The following ATP9A variants were observed in gnomAD, a reference collection of about 807,000 sequenced individuals.
ATP9A encodes probable phospholipid-transporting ATPase IIA.
A neutral mutation model predicts 144.1 loss-of-function variants in ATP9A; 52 were observed. The ratio of observed to expected loss-of-function variants is 0.36; its 90% CI spans 0.29 to 0.45. The LOEUF is 0.45. Among genes scored for constraint, ATP9A ranks in the 20% least tolerant of loss-of-function variants. The probability of loss-of-function intolerance (pLI) is 1.00; values close to 1 mark genes in which losing one functional copy is unlikely to be tolerated. For synonymous variants in ATP9A, 582 were observed against 557.4 expected, an observed-to-expected ratio of 1.04 and a Z score of -0.62; for missense variants, 947 against 1,392.7, an observed-to-expected ratio of 0.68 and a Z score of 5.09.
At chr20:51,740,076 A>C (rs1414747180) in intron 1 of ATP9A, among the ~76,000 whole-genome samples, 1 of 152,054 alleles carries the variant, frequency 6.6e-6, no homozygotes, top group Non-Finnish European at 1.5e-5. Context: ...ATTTATTTAG[A>C]GACAGGGTCT....
chr20:51,676,040 T>C, intron 10 of ATP9A, 92 bp downstream of exon 10: 1 of 925,320 alleles, frequency 1.1e-6, no homozygotes. Context: ...TAAATATCAC[T>C]CTTAGGTGTT....
chr20:51,665,138 G>A (rs1003910847), intron 13 of ATP9A, among the ~76,000 whole-genome samples: 32 of 151,960 alleles, frequency 2.1e-4, no homozygotes, highest in Admixed American at 1.3e-3. Context: ...CTAAACGGAA[G>A]ACCGGCCAGA....
intron 1 of ATP9A, among the ~76,000 whole-genome samples, chr20:51,748,982 G>A: frequency 6.9e-6 from 1 of 145,560 alleles, no homozygotes; most frequent in East Asian, 2.0e-4. Flanking sequence ...CAAATAAAAT[G>A]GAAAAATAAT....
At chr20:51,761,909 C>G (rs1216099067) in intron 1 of ATP9A, among the ~76,000 whole-genome samples, 3 of 152,116 alleles carry the variant, frequency 2.0e-5, no homozygotes, top group Non-Finnish European at 4.4e-5. Context: ...AGGCTCCAAC[C>G]GAGTCCGTTT....
intron 25 of ATP9A, 55 bp downstream of exon 25, chr20:51,608,463 G>T (rs2077172308): frequency 1.7e-6 from 2 of 1,155,716 alleles, no homozygotes; most frequent in Admixed American, 1.7e-5. Context: ...GGGAGGGAAG[G>T]AAGGGAAAAG....
rs767322084 is a variant in ATP9A, at chr20:51,657,167, T to A, written c.1294-17A>T. 1.9e-6 allele frequency: 3 copies of A among 1,599,718 alleles called. No homozygotes were observed. In the South Asian group the frequency reaches 3.3e-5, roughly 18 times the overall value. Reference sequence around the variant, plus strand: ...CTGGGATTGCTACAGGAAGGAGAAATGAACAAGGAAGATGACCAGAGGCAG... The same window carrying A: ...CTGGGATTGCTACAGGAAGGAGAAAAGAACAAGGAAGATGACCAGAGGCAG... On this transcript the variant is annotated splice_polypyrimidine_tract_variant and intron_variant, in intron 13 of 27. Coordinates refer to ENST00000338821, the MANE Select transcript of ATP9A (RefSeq NM_006045.3).
At chr20:51,629,391 C>A (rs1568792883) in intron 15 of ATP9A, among the ~76,000 whole-genome samples, 1 of 152,202 alleles carries the variant, frequency 6.6e-6, no homozygotes, top group Non-Finnish European at 1.5e-5. Flanking sequence ...ACACTTGGGA[C>A]TGCAGATATC....
chr20:51,763,823 G>C (rs59762781), intron 1 of ATP9A, among the ~76,000 whole-genome samples: 34,694 of 151,974 alleles, frequency 0.23, 4,276 homozygotes, highest in Non-Finnish European at 0.25. Flanking sequence ...GTTACAATGA[G>C]GCAAAGTCTT....
In ATP9A at chr20:51,697,480, T is replaced by C. The variant is rs1027941966; in HGVS notation, c.439A>G (p.Thr147Ala). The C allele has an allele frequency of 6.2e-7, 1 of 1,613,518 alleles. No homozygotes were observed. The highest frequency in any genetic ancestry group is 8.5e-7 in the Non-Finnish European group (1 of 1,179,792). ...ATGTTAGAACTCTTCACCTTCACTG[T>C]GCCTGCAAAGCAGCAGGTTCAAGAT... ...QVYSRLTARG[T>A]VKVKSSNIQV... Residue 147 changes from threonine (T) to alanine (A), a missense_variant and splice_region_variant, in exon 5 of 28, where the codon ACA becomes GCA. Physicochemically the swap from Thr to Ala is moderately conservative, Grantham distance 58. Around this residue, in one of 2 missense-constraint regions of ATP9A, gnomAD observed 770 missense variants for 1,047.9 expected, o/e 0.73. Coordinates refer to ENST00000338821, the MANE Select transcript of ATP9A (RefSeq NM_006045.3).
At position 51,681,427 on chromosome 20, in the gene ATP9A, C is replaced by CT. The variant is rs66579534; in HGVS notation, c.800-5220dup. 5.3e-3 allele frequency among the ~76,000 whole-genome samples: 701 copies of CT among 131,580 alleles called. 11 individuals carry two copies. The highest frequency in any genetic ancestry group is 0.028 in the Middle Eastern group (7 of 250). 86.3% of individuals were successfully genotyped at this position (131,580 alleles called of 152,430 possible). ...TTCCTCTATAGCCCATCCTAAATTTCTTTTTTTTTTTTTTTGAGGAGTCTC... is the reference window on the plus strand; with the variant it reads ...TTCCTCTATAGCCCATCCTAAATTTCTTTTTTTTTTTTTTTTGAGGAGTCTC... On this transcript the variant is annotated intron_variant, in intron 9 of 27. Transcript: ENST00000338821.
chr20:51,691,662 G>A (rs1001230925), intron 7 of ATP9A, among the ~76,000 whole-genome samples: 2 of 152,182 alleles, frequency 1.3e-5, no homozygotes, highest in Non-Finnish European at 2.9e-5. Context: ...AACGCAAGAT[G>A]GTGCAGCAGC....
chr20:51,722,708 T>C (rs562439775), intron 3 of ATP9A, among the ~76,000 whole-genome samples: 1 of 152,294 alleles, frequency 6.6e-6, no homozygotes, highest in South Asian at 2.1e-4. Flanking sequence ...TGTTGGCGTG[T>C]ATGCAGTGAA....
At chr20:51,627,455 A>G (rs2077253981) in intron 17 of ATP9A, 145 bp downstream of exon 17, 4 of 731,480 alleles carry the variant, frequency 5.5e-6, no homozygotes, top group Non-Finnish European at 9.5e-6. Flanking sequence ...ACAGAACGGC[A>G]AGTGCAAAGG....
chr20:51,764,005 A>G (rs1195303923), intron 1 of ATP9A, among the ~76,000 whole-genome samples: 1 of 152,220 alleles, frequency 6.6e-6, no homozygotes, highest in Non-Finnish European at 1.5e-5. Flanking sequence ...TCAAAGAAGC[A>G]CACTGTAGAC....
chr20:51,716,162 G>C (rs1345538301), intron 3 of ATP9A, among the ~76,000 whole-genome samples: 1 of 152,016 alleles, frequency 6.6e-6, no homozygotes, highest in African/African-American at 2.4e-5. Context: ...CTGAAGATCT[G>C]TGTATTTTAT....
chr20:51,718,648 T>C (rs531853228), intron 3 of ATP9A, among the ~76,000 whole-genome samples: 1 of 149,700 alleles, frequency 6.7e-6, no homozygotes, highest in South Asian at 2.1e-4. Context: ...TGAAACCCCA[T>C]CTCTAAAACT....
chr20:51,655,862 C>CAA (rs747607464), intron 14 of ATP9A, among the ~76,000 whole-genome samples: 3 of 130,112 alleles, frequency 2.3e-5, no homozygotes, highest in African/African-American at 5.5e-5. Context: ...TCTATATAGA[C>CAA]AAAAAAAAAA....
At chr20:51,609,556 A>G (rs1335649641) in intron 24 of ATP9A, among the ~76,000 whole-genome samples, 1 of 152,148 alleles carries the variant, frequency 6.6e-6, no homozygotes, top group Non-Finnish European at 1.5e-5. Context: ...CTGAAGTTCC[A>G]GGTCAGTAAT....
At chr20:51,721,922 C>T (rs1400862846) in intron 3 of ATP9A, among the ~76,000 whole-genome samples, 2 of 151,952 alleles carry the variant, frequency 1.3e-5, no homozygotes, top group Non-Finnish European at 2.9e-5. Flanking sequence ...AGGTATCACA[C>T]TACCTGATTT....
Sources: gnomAD v4.1 joint callset for allele counts (sites outside exome capture counted in the v4.1 genomes callset) on GRCh38, gnomAD v4.1.1 for gene constraint, gnomAD v4.1.1 regional missense constraint, MANE v1.5 for transcripts, NCBI Gene and HGNC (gene_info 2026-07-23, HGNC 2026-07-21) for gene names.